The following PACRG variants were observed in gnomAD, a reference collection of about 807,000 sequenced individuals.
PACRG encodes parkin coregulated gene protein.
Under a neutral mutation model 29.7 loss-of-function variants are expected in PACRG, and 29 were observed. The ratio of observed to expected loss-of-function variants is 0.98; its 90% CI spans 0.73 to 1.33. The LOEUF (loss-of-function observed/expected upper bound fraction) is 1.33. PACRG is among the 40% of genes most tolerant of loss of function. The probability of loss-of-function intolerance (pLI) is 0.00; values close to 1 mark genes in which losing one functional copy is unlikely to be tolerated. For synonymous variants in PACRG, 116 were observed against 118.7 expected, an observed-to-expected ratio of 0.98 and a Z score of 0.15; for missense variants, 279 against 316.2, an observed-to-expected ratio of 0.88 and a Z score of 0.89.
chr6:162,849,044 A>T (rs573091409), intron 2 of PACRG, among the ~76,000 whole-genome samples: 69 of 152,320 alleles, frequency 4.5e-4, no homozygotes, highest in Admixed American at 1.7e-3. Context: ...TTACCAGAGA[A>T]ACACAAGAGA....
intron 4 of PACRG, among the ~76,000 whole-genome samples, chr6:163,154,502 A>T (rs1458736829): frequency 1.3e-5 from 2 of 152,200 alleles, no homozygotes; most frequent in Non-Finnish European, 2.9e-5. Flanking sequence ...TAAGACAGAC[A>T]AAAGGACTGG....
At chr6:163,137,502 G>A (rs1312834381) in intron 4 of PACRG, among the ~76,000 whole-genome samples, 3 of 152,044 alleles carry the variant, frequency 2.0e-5, no homozygotes, top group Non-Finnish European at 2.9e-5. Context: ...TCAAAGAGGA[G>A]CGCCAGGATT....
chr6:163,181,703 G>T (rs980816883), intron 4 of PACRG, among the ~76,000 whole-genome samples: 4 of 150,664 alleles, frequency 2.7e-5, no homozygotes, highest in African/African-American at 9.8e-5. Context: ...AGCAGAGGTT[G>T]ATTATTAGTA....
intron 4 of PACRG, among the ~76,000 whole-genome samples, chr6:163,253,315 A>G (rs1230379711): frequency 6.6e-6 from 1 of 150,930 alleles, no homozygotes; most frequent in Non-Finnish European, 1.5e-5. Context: ...AAAAAAAAAA[A>G]GGAAAGAAAG....
chr6:162,728,328 G>A lies in PACRG; in HGVS notation c.93G>A (p.Val31=). 1 of 1,613,998 alleles carries A rather than the reference G, an allele frequency of 6.2e-7. No homozygotes were observed. Among genetic ancestry groups the A allele is most frequent in the African/African-American group, 1.3e-5 (1 of 75,036 alleles). ...TGCTGGCACAACAGCCGCTCCCGGT[G>A]CACCAGCCTCACTCTCTGGTTTCTG... is the stretch of plus-strand genomic sequence containing the variant. The part of the protein sequence containing the change: ...TKLLAQQPLP[V]HQPHSLVSEG... The change falls in exon 1 of 5, where the codon GTG becomes GTA. Residue 31 remains valine, a synonymous_variant. Coordinates refer to ENST00000366888, the MANE Select transcript of PACRG (RefSeq NM_001080379.2).
At chr6:162,909,623 T>C (rs1796174295) in intron 2 of PACRG, among the ~76,000 whole-genome samples, 2 of 151,228 alleles carry the variant, frequency 1.3e-5, no homozygotes, top group African/African-American at 4.9e-5. Flanking sequence ...CCCCACTTCC[T>C]ACCCCTTCCC....
chr6:163,073,820 C>A (rs184655272), intron 3 of PACRG, among the ~76,000 whole-genome samples: 30 of 152,252 alleles, frequency 2.0e-4, no homozygotes, highest in African/African-American at 7.0e-4. Flanking sequence ...AGCAAATAGG[C>A]ATATGAAAAG....
intron 4 of PACRG, among the ~76,000 whole-genome samples, chr6:163,274,168 T>C (rs1435119262): frequency 6.6e-6 from 1 of 152,206 alleles, no homozygotes; most frequent in Non-Finnish European, 1.5e-5. Flanking sequence ...CTCCTAATGC[T>C]ATCCCTCCCC....
intron 1 of PACRG, among the ~76,000 whole-genome samples, chr6:162,755,748 T>C (rs1273847273): frequency 6.6e-6 from 1 of 152,248 alleles, no homozygotes; most frequent in Non-Finnish European, 1.5e-5. Context: ...TTTCTTCTTT[T>C]TTTGATATGA....
chr6:162,733,514 T>C (rs1779931938), intron 1 of PACRG, among the ~76,000 whole-genome samples: 1 of 152,186 alleles, frequency 6.6e-6, no homozygotes. Context: ...TCCTCTCTAA[T>C]TGTGGAGCCC....
chr6:163,156,437 T>G (rs28698133), intron 4 of PACRG, among the ~76,000 whole-genome samples: 28,228 of 152,008 alleles, frequency 0.19, 2,660 homozygotes, highest in Non-Finnish European at 0.19. Flanking sequence ...CCCAGCCCAG[T>G]GCGCCACAGG....
rs200999391 is a variant in PACRG at position 163,062,122 on chromosome 6, A to G, written c.292-28A>G. On this transcript the variant is annotated intron_variant, in intron 2 of 4. Transcript: ENST00000366888. ...TGCTCTGCCCGAATGCTGTTTTCACATGGCGTCTCTTCTTTCTTTACTTTC... is the reference window on the plus strand; with the variant it reads ...TGCTCTGCCCGAATGCTGTTTTCACGTGGCGTCTCTTCTTTCTTTACTTTC... 2.9e-5 allele frequency: 46 copies of G among 1,610,470 alleles called. No individual in the cohort carries two copies. In the Middle Eastern group the frequency reaches 8.3e-4, roughly 29 times the overall value.
chr6:162,813,328 C>T (rs9355404), intron 1 of PACRG, among the ~76,000 whole-genome samples: 10,557 of 151,854 alleles, frequency 0.07, 485 homozygotes, highest in East Asian at 0.28. Flanking sequence ...GAAAAATAAT[C>T]GTGTTTAGAC....
In PACRG at chr6:163,261,705, C is replaced by G. The variant is rs1335750511; in HGVS notation, c.614-53122C>G. Among the ~76,000 whole-genome samples, 3 of 152,190 alleles carry G rather than the reference C, an allele frequency of 2.0e-5. No homozygotes were observed. The East Asian group carries it at 5.8e-4, about 29-fold the overall frequency. On this transcript the variant is annotated intron_variant, in intron 4 of 4. Coordinates refer to ENST00000366888, the MANE Select transcript of PACRG (RefSeq NM_001080379.2). ...TGAAATACTTGGGGGGAAAATATGCCTGTACTGAACATATACAGAAATTTT... is the reference window on the plus strand; with the variant it reads ...TGAAATACTTGGGGGGAAAATATGCGTGTACTGAACATATACAGAAATTTT...
chr6:162,901,674 A>G (rs1160116542), intron 2 of PACRG, among the ~76,000 whole-genome samples: 1 of 152,202 alleles, frequency 6.6e-6, no homozygotes, highest in African/African-American at 2.4e-5. Context: ...TAAAGTGCTT[A>G]TTCTAGAATT....
chr6:162,976,803 A>G (rs1209017091), intron 2 of PACRG, among the ~76,000 whole-genome samples: 1 of 152,236 alleles, frequency 6.6e-6, no homozygotes, highest in Non-Finnish European at 1.5e-5. Flanking sequence ...ATTTTGTTAT[A>G]TAATTATGTC....
intron 2 of PACRG, among the ~76,000 whole-genome samples, chr6:162,940,809 A>C (rs1477403298): frequency 6.6e-6 from 1 of 152,200 alleles, no homozygotes; most frequent in African/African-American, 2.4e-5. Flanking sequence ...GTTTTTTGTC[A>C]TATTGGCAAA....
intron 2 of PACRG, among the ~76,000 whole-genome samples, chr6:162,866,815 C>T (rs1341519588): frequency 6.6e-6 from 1 of 152,056 alleles, no homozygotes; most frequent in Non-Finnish European, 1.5e-5. Context: ...TGCACCCAAC[C>T]GAACCAAAAG....
chr6:163,235,704 A>G (rs1380628482), intron 4 of PACRG, among the ~76,000 whole-genome samples: 1 of 152,150 alleles, frequency 6.6e-6, no homozygotes, highest in Non-Finnish European at 1.5e-5. Flanking sequence ...AATTTTTTCA[A>G]TTTCACAAGG....
Sources: gnomAD v4.1 joint callset for allele counts (sites outside exome capture counted in the v4.1 genomes callset) on GRCh38, gnomAD v4.1.1 for gene constraint, MANE v1.5 for transcripts, NCBI Gene and HGNC (gene_info 2026-07-23, HGNC 2026-07-21) for gene names.